SIRT3: variants seen among roughly 807,000 people sequenced by gnomAD.
SIRT3 encodes sirtuin 3.
Under a neutral mutation model 33.5 loss-of-function variants are expected in SIRT3, and 26 were observed. That is an observed-to-expected ratio of 0.78 (90% CI 0.57 to 1.08). The LOEUF (loss-of-function observed/expected upper bound fraction) is 1.08, where lower values mean the gene tolerates loss of function less well. Among genes scored for constraint, SIRT3 ranks in the 50% least tolerant of loss-of-function variants. SIRT3 has a pLI of 0.00. For synonymous variants in SIRT3, 237 were observed against 222.1 expected, an observed-to-expected ratio of 1.07 and a Z score of -0.60; for missense variants, 585 against 530.1, an observed-to-expected ratio of 1.10 and a Z score of -1.02.
At chr11:224,337 C>T (rs1271266628) in intron 4 of SIRT3, 98 bp from the exon 5 acceptor site, 10 of 1,321,658 alleles carry the variant, frequency 7.6e-6, no homozygotes, top group Middle Eastern at 2.7e-4. Flanking sequence ...CATTCTCCCC[C>T]AAAAAAGGTG....
At chr11:236,370 C>G (rs185277566), upstream of SIRT3, 10,251 of 1,174,976 alleles carry the variant, frequency 8.7e-3, 859 homozygotes, top group African/African-American at 0.18. Flanking sequence ...CGCCCCGCCC[C>G]CGGCGCCCCG....
intron 1 of SIRT3, among the ~76,000 whole-genome samples, chr11:234,787 G>A (rs140103436): frequency 6.6e-6 from 1 of 152,058 alleles, no homozygotes; most frequent in South Asian, 2.1e-4. Flanking sequence ...TGTAGGTCCT[G>A]GTCCCTGCTC....
chr11:217,172 G>A (rs1300894380), intron 6 of SIRT3, among the ~76,000 whole-genome samples: 3 of 152,230 alleles, frequency 2.0e-5, no homozygotes, highest in African/African-American at 7.2e-5. Flanking sequence ...AAGTTGGGCC[G>A]GGCCTGCTGG....
chr11:231,541 C>G, intron 3 of SIRT3, among the ~76,000 whole-genome samples: 1 of 152,178 alleles, frequency 6.6e-6, no homozygotes, highest in East Asian at 1.9e-4. Flanking sequence ...TTGGTAGAAA[C>G]AGACAAAAAG....
chr11:221,815 A>C (rs1856481329), intron 5 of SIRT3, among the ~76,000 whole-genome samples: 1 of 151,546 alleles, frequency 6.6e-6, no homozygotes, highest in Non-Finnish European at 1.5e-5. Flanking sequence ...TGTTACGTGA[A>C]AACAGCAGGC....
chr11:236,791 C>A, upstream of SIRT3: 1 of 545,258 alleles, frequency 1.8e-6, no homozygotes, highest in South Asian at 2.1e-5. Flanking sequence ...CGGGTTCGAC[C>A]ACAGGCGCCC....
Position 236,251 on chromosome 11 carries a change from T to TC in SIRT3, c.77dup (p.Gly27ArgfsTer33), listed in dbSNP as rs1343996544. 6 of 1,545,614 alleles carry TC rather than the reference T, an allele frequency of 3.9e-6. No individual in the cohort carries two copies. The African/African-American group carries it at 8.3e-5, about 21-fold the overall frequency. On this transcript the variant is annotated frameshift_variant, in exon 1 of 7. Coordinates refer to ENST00000382743, the MANE Select transcript of SIRT3 (RefSeq NM_012239.6). LOFTEE classifies it high-confidence loss of function. ...CGCAGGCCTGAAACGGCCCCACGCC[T>TC]CCCCCGGCCTCGACCCGTTCAACTA... is the stretch of plus-strand genomic sequence containing the variant.
intron 5 of SIRT3, among the ~76,000 whole-genome samples, chr11:222,112 T>C (rs1259101598): frequency 6.6e-6 from 1 of 152,166 alleles, no homozygotes; most frequent in Non-Finnish European, 1.5e-5. Flanking sequence ...CACGGTCAGC[T>C]GGTCTCAGCC....
chr11:228,394 C>T (rs1298232924), intron 4 of SIRT3, among the ~76,000 whole-genome samples: 1 of 152,194 alleles, frequency 6.6e-6, no homozygotes, highest in Non-Finnish European at 1.5e-5. Flanking sequence ...TACAAAGCTA[C>T]AGTAACCAAA....
intron 2 of SIRT3, 31 bp from the exon 3 acceptor site, chr11:233,246 T>A: frequency 6.2e-7 from 1 of 1,607,514 alleles, no homozygotes; most frequent in East Asian, 2.2e-5. Context: ...CTCTGAGGCC[T>A]TTGGAAGAGG....
rs149759885 is a variant in SIRT3, at chr11:227,983, A to G, written c.807+2469T>C. ...CATTTTCCTGCCTAAAAATCCTCCAATGCCTCCCATGATCGTCAGGATACA... is the reference window on the plus strand; with the variant it reads ...CATTTTCCTGCCTAAAAATCCTCCAGTGCCTCCCATGATCGTCAGGATACA... On this transcript the variant is annotated intron_variant, in intron 4 of 6. Transcript: ENST00000382743. 1.4e-3 allele frequency among the ~76,000 whole-genome samples: 212 copies of G among 152,222 alleles called. 1 individual carries two copies. The highest frequency in any genetic ancestry group is 4.9e-3 in the African/African-American group (205 of 41,532).
chr11:236,390 C>CGG, upstream of SIRT3: 3 of 1,146,902 alleles, frequency 2.6e-6, no homozygotes, highest in Admixed American at 4.7e-5. Flanking sequence ...GGCCCCGCCT[C>CGG]CGCCTCCCAC....
At chr11:226,862 G>C (rs34541280) in intron 4 of SIRT3, among the ~76,000 whole-genome samples, 1 of 147,220 alleles carries the variant, frequency 6.8e-6, no homozygotes, top group Non-Finnish European at 1.5e-5. Context: ...CAAGCAATTC[G>C]CCTGCCTCAG....
At chr11:219,875 T>C (rs1856188520) in intron 5 of SIRT3, among the ~76,000 whole-genome samples, 1 of 152,144 alleles carries the variant, frequency 6.6e-6, no homozygotes, top group Non-Finnish European at 1.5e-5. Flanking sequence ...GGTATCTACA[T>C]AAAACTACTA....
chr11:230,615 G>C, intron 3 of SIRT3, 63 bp from the exon 4 acceptor site: 1 of 1,200,898 alleles, frequency 8.3e-7, no homozygotes, highest in Non-Finnish European at 1.1e-6. Context: ...AAGGCCAAGA[G>C]CACAACTTCT....
intron 4 of SIRT3, among the ~76,000 whole-genome samples, chr11:228,712 AGAGT>A (rs201837208): frequency 0.036 from 5,410 of 152,352 alleles, 126 homozygotes; most frequent in Non-Finnish European, 0.052. Context: ...TGATTCCAAA[AGAGT>A]GAGAAAATAA....
At chr11:230,086 G>T (rs1396040566) in intron 4 of SIRT3, among the ~76,000 whole-genome samples, 1 of 151,570 alleles carries the variant, frequency 6.6e-6, no homozygotes, top group African/African-American at 2.4e-5. Flanking sequence ...GGTGGCTCAC[G>T]CCTGTAATCC....
chr11:233,594 G>C (rs1387358567), intron 1 of SIRT3, 60 bp from the exon 2 acceptor site: 5 of 1,551,944 alleles, frequency 3.2e-6, no homozygotes, highest in East Asian at 2.2e-5. Flanking sequence ...AGGATAGCAA[G>C]AACGAGCATG....
At chr11:217,905 G>A (rs1403020330) in intron 6 of SIRT3, among the ~76,000 whole-genome samples, 1 of 152,138 alleles carries the variant, frequency 6.6e-6, no homozygotes, top group Non-Finnish European at 1.5e-5. Context: ...TCATGGGGGC[G>A]GGTCTTTCCC....
Sources: gnomAD v4.1 joint callset for allele counts (sites outside exome capture counted in the v4.1 genomes callset) on GRCh38, gnomAD v4.1.1 for gene constraint, MANE v1.5 for transcripts, NCBI Gene and HGNC (gene_info 2026-07-23, HGNC 2026-07-21) for gene names.